The following CNTN5 variants were observed in gnomAD, a reference collection of about 807,000 sequenced individuals.
CNTN5 encodes the protein contactin 5.
A neutral mutation model predicts 129.1 loss-of-function variants in CNTN5; 77 were observed. The observed-to-expected ratio is 0.60, with a 90% CI of 0.50 to 0.72. The LOEUF (loss-of-function observed/expected upper bound fraction) is 0.72. CNTN5 is among the 30% of genes least tolerant of loss of function. The pLI, the probability that CNTN5 is intolerant of heterozygous loss-of-function variation, is 0.00. For synonymous variants in CNTN5, 509 were observed against 465.6 expected, an observed-to-expected ratio of 1.09 and a Z score of -1.20; for missense variants, 1,478 against 1,328.8, an observed-to-expected ratio of 1.11 and a Z score of -1.75.
intron 3 of CNTN5, among the ~76,000 whole-genome samples, chr11:99,560,858 G>C (rs1339200683): frequency 6.6e-6 from 1 of 152,086 alleles, no homozygotes; most frequent in Non-Finnish European, 1.5e-5. Flanking sequence ...AAGAAGTTTA[G>C]AATGATCCAT....
intron 8 of CNTN5, among the ~76,000 whole-genome samples, chr11:99,964,146 C>A (rs1186387884): frequency 1.3e-5 from 2 of 152,188 alleles, no homozygotes; most frequent in South Asian, 2.1e-4. Context: ...ATTGAATACC[C>A]TTTATTTCCT....
intron 2 of CNTN5, among the ~76,000 whole-genome samples, chr11:99,327,283 T>A (rs888005529): frequency 3.9e-5 from 6 of 152,210 alleles, no homozygotes; most frequent in Non-Finnish European, 7.3e-5. Context: ...GAATTTATGC[T>A]AGACACATCA....
intron 3 of CNTN5, among the ~76,000 whole-genome samples, chr11:99,628,767 C>T (rs1380326589): frequency 6.6e-6 from 1 of 151,942 alleles, no homozygotes; most frequent in Non-Finnish European, 1.5e-5. Context: ...GCATCAATTA[C>T]TTCTGTTTGA....
At chr11:100,156,742 T>TATC (rs1473335185) in intron 13 of CNTN5, among the ~76,000 whole-genome samples, 58 of 152,178 alleles carry the variant, frequency 3.8e-4, no homozygotes, top group Middle Eastern at 3.4e-3. Context: ...CCCAGAAATG[T>TATC]ATCAATTTCT....
At chr11:99,388,324 A>T (rs1591611418) in intron 2 of CNTN5, among the ~76,000 whole-genome samples, 1 of 150,288 alleles carries the variant, frequency 6.7e-6, no homozygotes, top group Non-Finnish European at 1.5e-5. Flanking sequence ...CTGAGGCAGG[A>T]AAATTGTTTG....
intron 6 of CNTN5, among the ~76,000 whole-genome samples, chr11:99,900,201 C>A (rs1416635210): frequency 6.9e-6 from 1 of 144,266 alleles, no homozygotes; most frequent in Non-Finnish European, 1.5e-5. Context: ...TTTTTTTTGG[C>A]CTCAACCTCA....
chr11:99,108,685 G>T (rs752399881), intron 1 of CNTN5, among the ~76,000 whole-genome samples: 1 of 152,018 alleles, frequency 6.6e-6, no homozygotes. Context: ...CTTGACTTAA[G>T]TAAAGCTTTC....
intron 2 of CNTN5, among the ~76,000 whole-genome samples, chr11:99,464,570 G>A (rs773127038): frequency 6.6e-6 from 1 of 152,058 alleles, no homozygotes; most frequent in African/African-American, 2.4e-5. Context: ...AACAGGAAAA[G>A]GTGTCTGTTT....
chr11:99,513,615 C>G (rs1287828636), intron 2 of CNTN5, among the ~76,000 whole-genome samples: 2 of 152,002 alleles, frequency 1.3e-5, no homozygotes, highest in Non-Finnish European at 2.9e-5. Flanking sequence ...AAGAATTATG[C>G]TAAATCTACT....
At position 99,880,525 on chromosome 11, in the gene CNTN5, C is replaced by T. The variant is rs373005623; in HGVS notation, c.577+35263C>T. On this transcript the variant is annotated intron_variant, in intron 6 of 24. Transcript: ENST00000524871. ...ATTAAAATAAGCTTCAAAAGTTTTT[C>T]GGAGTTGATGAAATCCTTATTTCAT... Among the ~76,000 whole-genome samples, 36 of 152,066 alleles carry T rather than the reference C, an allele frequency of 2.4e-4. No individual in the cohort carries two copies. The East Asian group carries it at 5.8e-3, about 25-fold the overall frequency.
chr11:100,049,576 G>C (rs1942852360), intron 9 of CNTN5, among the ~76,000 whole-genome samples: 1 of 151,904 alleles, frequency 6.6e-6, no homozygotes, highest in African/African-American at 2.4e-5. Flanking sequence ...TGTCAGACTA[G>C]GTTGAAAACA....
chr11:99,706,647 G>T (rs1954767884), intron 3 of CNTN5, among the ~76,000 whole-genome samples: 1 of 151,094 alleles, frequency 6.6e-6, no homozygotes, highest in African/African-American at 2.4e-5. Context: ...TTTCTCTCTT[G>T]GGTAGAAGTC....
At chr11:99,846,771 A>G (rs1947712178) in intron 6 of CNTN5, among the ~76,000 whole-genome samples, 2 of 152,182 alleles carry the variant, frequency 1.3e-5, no homozygotes, top group Admixed American at 1.3e-4. Context: ...GAAAGAATAA[A>G]GAATTGATAA....
At chr11:100,179,366 A>T (rs1948068382) in intron 13 of CNTN5, among the ~76,000 whole-genome samples, 1 of 152,118 alleles carries the variant, frequency 6.6e-6, no homozygotes, top group Non-Finnish European at 1.5e-5. Context: ...ATCAGAGATA[A>T]CAGAGAAAAC....
At chr11:100,049,053 C>T (rs1487843320) in intron 9 of CNTN5, among the ~76,000 whole-genome samples, 1 of 151,896 alleles carries the variant, frequency 6.6e-6, no homozygotes, top group Non-Finnish European at 1.5e-5. Context: ...GAAAACACCA[C>T]AAGAAATGTT....
chr11:99,866,403 A>G (rs966349616), intron 6 of CNTN5, among the ~76,000 whole-genome samples: 4 of 152,096 alleles, frequency 2.6e-5, no homozygotes, highest in Non-Finnish European at 5.9e-5. Flanking sequence ...ACATTATTAG[A>G]TACTTATATA....
At chr11:99,742,005 A>G (rs1224749321) in intron 3 of CNTN5, among the ~76,000 whole-genome samples, 1 of 152,148 alleles carries the variant, frequency 6.6e-6, no homozygotes, top group East Asian at 1.9e-4. Context: ...GGAAAATCAG[A>G]TTTTTCAACA....
intron 13 of CNTN5, among the ~76,000 whole-genome samples, chr11:100,152,526 C>T (rs1199048367): frequency 6.6e-6 from 1 of 152,056 alleles, no homozygotes; most frequent in South Asian, 2.1e-4. Flanking sequence ...CCCATTTAGG[C>T]TGATGAAGCT....
At chr11:99,095,262 A>C (rs1866422183) in intron 1 of CNTN5, among the ~76,000 whole-genome samples, 1 of 151,960 alleles carries the variant, frequency 6.6e-6, no homozygotes, top group African/African-American at 2.4e-5. Flanking sequence ...TACCTAATGC[A>C]TAGTTGTCAT....
Sources: gnomAD v4.1 joint callset for allele counts (sites outside exome capture counted in the v4.1 genomes callset) on GRCh38, gnomAD v4.1.1 for gene constraint, MANE v1.5 for transcripts, NCBI Gene and HGNC (gene_info 2026-07-23, HGNC 2026-07-21) for gene names.